PEBP4: variants seen among roughly 807,000 people sequenced by gnomAD.
PEBP4 encodes phosphatidylethanolamine binding protein 4.
A neutral mutation model predicts 23.9 loss-of-function variants in PEBP4; 22 were observed. The observed-to-expected ratio is 0.92, with a 90% CI of 0.66 to 1.31. PEBP4 has a LOEUF of 1.31. Among genes scored for constraint, PEBP4 ranks in the 40% most tolerant of loss-of-function variants. The pLI is 0.00. For missense variants in PEBP4, 324 were observed against 281.7 expected (o/e 1.15, Z -1.07); for synonymous variants, 112 against 99.3 (o/e 1.13, Z -0.76).
chr8:22,797,430 G>C (rs774715933), intron 4 of PEBP4, among the ~76,000 whole-genome samples: 2 of 152,004 alleles, frequency 1.3e-5, no homozygotes, highest in Admixed American at 6.5e-5. Flanking sequence ...GAGATGAACA[G>C]CTTGACTCCA....
At chr8:22,931,544 G>A (rs1472073510), upstream of PEBP4, among the ~76,000 whole-genome samples, 2 of 151,302 alleles carry the variant, frequency 1.3e-5, no homozygotes, top group Non-Finnish European at 2.9e-5. Flanking sequence ...ACTACAAATT[G>A]CTCCATCCCT....
At chr8:22,733,556 C>A (rs921236842) in intron 4 of PEBP4, among the ~76,000 whole-genome samples, 2 of 152,100 alleles carry the variant, frequency 1.3e-5, no homozygotes, top group African/African-American at 4.8e-5. Flanking sequence ...TACCTGTAGG[C>A]AGCGGCCCAC....
intron 3 of PEBP4, among the ~76,000 whole-genome samples, chr8:22,832,961 G>A (rs1478788292): frequency 6.6e-6 from 1 of 152,112 alleles, no homozygotes; most frequent in East Asian, 1.9e-4. Flanking sequence ...GGACAACAAG[G>A]GGCAGCCCCC....
intron 3 of PEBP4, among the ~76,000 whole-genome samples, chr8:22,825,541 T>C (rs1806951210): frequency 6.6e-6 from 1 of 152,244 alleles, no homozygotes; most frequent in African/African-American, 2.4e-5. Flanking sequence ...TGAATGCTTA[T>C]TACACCATGG....
At chr8:22,785,142 A>T (rs1806003226) in intron 4 of PEBP4, among the ~76,000 whole-genome samples, 1 of 152,198 alleles carries the variant, frequency 6.6e-6, no homozygotes, top group Admixed American at 6.5e-5. Context: ...GCAGCTCAGC[A>T]CAGACCCACG....
Position 22,713,341 on chromosome 8 carries a change from C to T in PEBP4, c.*29G>A. ...ACATCGTCGGTGGTGGGCAGTGTGG[C>T]CACATGCCCGGATGGCAAAGCCGGC... is the stretch of plus-strand genomic sequence containing the variant. On this transcript the variant is annotated 3_prime_UTR_variant, in exon 7 of 7. Transcript: ENST00000256404. 1.3e-6 allele frequency: 2 copies of T among 1,553,020 alleles called. No homozygotes were observed. Among genetic ancestry groups the T allele is most frequent in the East Asian group, 2.3e-5 (1 of 44,248 alleles).
Position 22,727,216 on chromosome 8 carries a change from G to C in PEBP4, c.362C>G (p.Ala121Gly), listed in dbSNP as rs373250934. 2.5e-5 allele frequency: 40 copies of C among 1,613,660 alleles called. No homozygotes were observed. In the African/African-American group the frequency reaches 4.0e-4, roughly 16 times the overall value. The stretch of plus-strand genomic sequence containing the variant: ...CTGAATCTTCCCTTTCTTCAGGTCG[G>C]CGCCCTGAAAGAAGAGACAAGCAGG... The part of the protein sequence containing the change: ...RHWLVTDIKG[A>G]DLKKGKIQGQ... Residue 121 changes from alanine (A) to glycine (G), a missense_variant, in exon 5 of 7, where the codon GCC becomes GGC. Coordinates refer to ENST00000256404, the MANE Select transcript of PEBP4 (RefSeq NM_144962.3).
chr8:22,855,245 G>T (rs1448712236), intron 3 of PEBP4, among the ~76,000 whole-genome samples: 1 of 152,172 alleles, frequency 6.6e-6, no homozygotes, highest in Non-Finnish European at 1.5e-5. Context: ...TGGGGTGAAT[G>T]TGTCGGTGCA....
At chr8:22,901,445 T>C (rs1289291020) in intron 3 of PEBP4, among the ~76,000 whole-genome samples, 2 of 152,190 alleles carry the variant, frequency 1.3e-5, no homozygotes, top group Admixed American at 6.5e-5. Context: ...GGATCGGTCC[T>C]GCAGGGAGTG....
At chr8:22,786,973 A>C (rs1449184644) in intron 4 of PEBP4, among the ~76,000 whole-genome samples, 1 of 151,886 alleles carries the variant, frequency 6.6e-6, no homozygotes, top group Non-Finnish European at 1.5e-5. Context: ...GGTGTGTATC[A>C]CCATTCCTGG....
chr8:22,918,927 G>GCACA (rs1410666482), intron 3 of PEBP4, among the ~76,000 whole-genome samples: 1 of 138,158 alleles, frequency 7.2e-6, no homozygotes, highest in African/African-American at 2.6e-5. Flanking sequence ...AAGTGTGTGT[G>GCACA]TGCACATGTG....
intron 4 of PEBP4, among the ~76,000 whole-genome samples, chr8:22,731,606 C>G (rs527342199): frequency 5.3e-5 from 8 of 151,444 alleles, no homozygotes; most frequent in Non-Finnish European, 1.2e-4. Flanking sequence ...CACCCATACG[C>G]CCTCATTGTT....
intron 4 of PEBP4, among the ~76,000 whole-genome samples, chr8:22,739,755 T>C (rs75253604): frequency 0.052 from 7,953 of 152,172 alleles, 244 homozygotes; most frequent in Admixed American, 0.091. Flanking sequence ...TGGGTAAGAA[T>C]GGCCCCTCAG....
At chr8:22,855,430 C>T (rs1807625397) in intron 3 of PEBP4, among the ~76,000 whole-genome samples, 1 of 152,144 alleles carries the variant, frequency 6.6e-6, no homozygotes, top group Non-Finnish European at 1.5e-5. Context: ...AAGACTAGAA[C>T]ACATTTAAAG....
At chr8:22,728,621 G>T (rs1284122106) in intron 4 of PEBP4, among the ~76,000 whole-genome samples, 18 of 94,910 alleles carry the variant, frequency 1.9e-4, no homozygotes, top group Admixed American at 5.1e-4. Flanking sequence ...CCCTTTTTTT[G>T]GAGTCTCGCT....
chr8:22,771,315 CCT>C (rs965906407), intron 4 of PEBP4, among the ~76,000 whole-genome samples: 9 of 152,090 alleles, frequency 5.9e-5, no homozygotes, highest in Non-Finnish European at 1.5e-5. Context: ...ATGGTGAAAC[CCT>C]GTTTCTACTA....
chr8:22,932,238 G>A (rs1304938040), upstream of PEBP4, among the ~76,000 whole-genome samples: 1 of 152,200 alleles, frequency 6.6e-6, no homozygotes, highest in East Asian at 1.9e-4. Flanking sequence ...GGCTGGAGGT[G>A]GAGGTGGGAT....
chr8:22,815,249 G>C (rs1422956409), intron 4 of PEBP4: 1 of 152,200 alleles, frequency 6.6e-6, no homozygotes, highest in African/African-American at 2.4e-5. Flanking sequence ...CCAGCTCTAT[G>C]GTCTTCCTTC....
chr8:22,761,421 C>T (rs1270763243), intron 4 of PEBP4, among the ~76,000 whole-genome samples: 2 of 152,110 alleles, frequency 1.3e-5, no homozygotes, highest in Non-Finnish European at 2.9e-5. Context: ...GCGGAGAGAG[C>T]GAGAAGACCC....
Sources: allele counts gnomAD v4.1 joint callset (sites outside exome capture counted in the v4.1 genomes callset), GRCh38; gene constraint gnomAD v4.1.1; transcripts MANE v1.5; gene names NCBI Gene and HGNC (gene_info 2026-07-23, HGNC 2026-07-21).